Variants in SPAG16 observed in about 807,000 individuals in gnomAD.
The protein encoded by SPAG16 is sperm associated antigen 16, also known as sperm-associated antigen 16 protein.
In SPAG16, 86 loss-of-function variants were observed where a neutral mutation model predicts 80.4. The observed-to-expected ratio is 1.07, with a 90% CI of 0.90 to 1.28. The LOEUF (loss-of-function observed/expected upper bound fraction) is 1.28, where lower values mean the gene tolerates loss of function less well. Among genes scored for constraint, SPAG16 ranks in the 50% most tolerant of loss-of-function variants. The probability of loss-of-function intolerance (pLI) is 0.00; values close to 1 mark genes in which losing one functional copy is unlikely to be tolerated. For synonymous variants in SPAG16, 294 were observed against 265.9 expected, an observed-to-expected ratio of 1.11 and a Z score of -1.03; for missense variants, 870 against 765.3, an observed-to-expected ratio of 1.14 and a Z score of -1.61.
chr2:214,257,010 T>C (rs1326745212), intron 15 of SPAG16, among the ~76,000 whole-genome samples: 3 of 151,970 alleles, frequency 2.0e-5, no homozygotes, highest in Non-Finnish European at 2.9e-5. Context: ...GGCATAATTA[T>C]ATTTTGTATC....
intron 10 of SPAG16, among the ~76,000 whole-genome samples, chr2:213,668,418 T>C (rs2063692877): frequency 6.6e-6 from 1 of 152,002 alleles, no homozygotes; most frequent in South Asian, 2.1e-4. Flanking sequence ...ATACAGCAAT[T>C]ATGATTGTGA....
chr2:213,492,849 T>C (rs1052071050), intron 10 of SPAG16, among the ~76,000 whole-genome samples: 1 of 152,168 alleles, frequency 6.6e-6, no homozygotes, highest in Non-Finnish European at 1.5e-5. Context: ...ATAATATCAA[T>C]AACAATGCTT....
At chr2:213,438,315 A>G (rs955538437) in intron 9 of SPAG16, among the ~76,000 whole-genome samples, 2 of 152,182 alleles carry the variant, frequency 1.3e-5, no homozygotes, top group Admixed American at 1.3e-4. Context: ...ATAGACAACA[A>G]TGGCCAGGAG....
intron 5 of SPAG16, among the ~76,000 whole-genome samples, chr2:213,328,813 G>C (rs1332194247): frequency 6.6e-6 from 1 of 152,132 alleles, no homozygotes; most frequent in African/African-American, 2.4e-5. Flanking sequence ...GTTACCTGTT[G>C]ATTGGTTTGG....
intron 10 of SPAG16, among the ~76,000 whole-genome samples, chr2:213,851,560 G>A (rs1195096581): frequency 6.6e-6 from 1 of 152,140 alleles, no homozygotes; most frequent in African/African-American, 2.4e-5. Context: ...TCTATAACAT[G>A]GGTGAATTTT....
intron 10 of SPAG16, among the ~76,000 whole-genome samples, chr2:213,575,010 G>T (rs138656314): frequency 2.0e-5 from 3 of 151,740 alleles, no homozygotes. Context: ...CTTCTTATTT[G>T]TCCTGAAATC....
intron 13 of SPAG16, among the ~76,000 whole-genome samples, chr2:214,068,874 C>T (rs1159913229): frequency 6.6e-6 from 1 of 151,904 alleles, no homozygotes; most frequent in East Asian, 1.9e-4. Context: ...TTCCCTGACA[C>T]CTTATCCATT....
At chr2:213,714,050 A>T (rs958862903) in intron 10 of SPAG16, among the ~76,000 whole-genome samples, 1 of 152,172 alleles carries the variant, frequency 6.6e-6, no homozygotes, top group African/African-American at 2.4e-5. Flanking sequence ...GACCCAAGCT[A>T]CTCTCCTAGC....
intron 10 of SPAG16, among the ~76,000 whole-genome samples, chr2:213,816,072 C>T (rs1296857197): frequency 6.6e-6 from 1 of 152,158 alleles, no homozygotes; most frequent in Non-Finnish European, 1.5e-5. Context: ...AAAACATTGT[C>T]ATCTCCTGGA....
chr2:214,222,087 G>A (rs796603497), intron 15 of SPAG16, among the ~76,000 whole-genome samples: 10 of 148,172 alleles, frequency 6.7e-5, no homozygotes, highest in African/African-American at 2.5e-4. Context: ...AAAATGTGTT[G>A]AGAAATTAGT....
At chr2:213,825,558 A>T (rs1322693967) in intron 10 of SPAG16, among the ~76,000 whole-genome samples, 1 of 152,064 alleles carries the variant, frequency 6.6e-6, no homozygotes, top group Non-Finnish European at 1.5e-5. Flanking sequence ...CCATCCTTGC[A>T]TCCTTGGGAT....
At chr2:214,126,451 A>G (rs533255142) in intron 14 of SPAG16, among the ~76,000 whole-genome samples, 4 of 151,650 alleles carry the variant, frequency 2.6e-5, no homozygotes, top group Non-Finnish European at 5.9e-5. Context: ...GGCAACAGCC[A>G]GGCCTGGTTT....
At chr2:213,922,026 C>T (rs2078247505) in intron 11 of SPAG16, among the ~76,000 whole-genome samples, 1 of 152,128 alleles carries the variant, frequency 6.6e-6, no homozygotes, top group Non-Finnish European at 1.5e-5. Flanking sequence ...TGTATAATAT[C>T]TCACAGGAGT....
intron 11 of SPAG16, among the ~76,000 whole-genome samples, chr2:213,885,067 A>G (rs1210024004): frequency 6.6e-6 from 1 of 152,122 alleles, no homozygotes; most frequent in Non-Finnish European, 1.5e-5. Context: ...CTCTGTCTTT[A>G]TGAATTACCA....
At chr2:213,290,559 C>T (rs2062229558) in intron 1 of SPAG16, among the ~76,000 whole-genome samples, 1 of 152,166 alleles carries the variant, frequency 6.6e-6, no homozygotes, top group Admixed American at 6.5e-5. Flanking sequence ...CGAAGGAATA[C>T]TAGGCAGTTA....
chr2:213,608,047 C>A (rs889569580), intron 10 of SPAG16, among the ~76,000 whole-genome samples: 1 of 152,076 alleles, frequency 6.6e-6, no homozygotes, highest in Non-Finnish European at 1.5e-5. Flanking sequence ...ATTCTTGAGA[C>A]AACAGGTTCA....
chr2:213,721,849 C>G (rs150835204), intron 10 of SPAG16, among the ~76,000 whole-genome samples: 2 of 152,080 alleles, frequency 1.3e-5, no homozygotes, highest in South Asian at 2.1e-4. Context: ...CACATTTTCC[C>G]TGGGAGCAAA....
chr2:214,047,714 C>G (rs889834161), intron 13 of SPAG16, among the ~76,000 whole-genome samples: 5 of 152,120 alleles, frequency 3.3e-5, no homozygotes, highest in Admixed American at 6.5e-5. Flanking sequence ...TGTTAAAAAG[C>G]TTCTACCCAG....
chr2:214,353,348 G>C (rs1193431519), intron 15 of SPAG16, among the ~76,000 whole-genome samples: 1 of 152,046 alleles, frequency 6.6e-6, no homozygotes, highest in Non-Finnish European at 1.5e-5. Flanking sequence ...ACTATGCATA[G>C]AGAGATCAGT....
Sources: allele counts gnomAD v4.1 joint callset (sites outside exome capture counted in the v4.1 genomes callset), GRCh38; gene constraint gnomAD v4.1.1; transcripts MANE v1.5; gene names NCBI Gene and HGNC (gene_info 2026-07-23, HGNC 2026-07-21).